The following SNAP47 variants were observed in gnomAD, a reference collection of about 807,000 sequenced individuals.
SNAP47 encodes the protein synaptosomal-associated protein 47.
SNAP47 carries 20 observed loss-of-function variants against 31.4 expected under a neutral mutation model. That is an observed-to-expected ratio of 0.64 (90% CI 0.45 to 0.93). The LOEUF (loss-of-function observed/expected upper bound fraction) is 0.93, where lower values mean the gene tolerates loss of function less well. SNAP47 is among the 40% of genes least tolerant of loss of function. The pLI is 0.00. For synonymous variants in SNAP47, 194 were observed against 213.4 expected (o/e 0.91, Z 0.79); for missense variants, 492 against 528.5 (o/e 0.93, Z 0.68).
At chr1:227,775,132 G>A (rs1286883906) in intron 4 of SNAP47, among the ~76,000 whole-genome samples, 2 of 152,252 alleles carry the variant, frequency 1.3e-5, no homozygotes, top group African/African-American at 2.4e-5. Context: ...GGAATGCAGC[G>A]GAGGGGACTT....
intron 3 of SNAP47, among the ~76,000 whole-genome samples, chr1:227,766,319 G>C (rs67502955): frequency 0.11 from 16,598 of 152,316 alleles, 1,367 homozygotes; most frequent in East Asian, 0.33. Flanking sequence ...GCCCCGGGGT[G>C]TCAAGGCTGC....
At chr1:227,764,131 T>TG (rs1266067953) in intron 3 of SNAP47, among the ~76,000 whole-genome samples, 1 of 152,184 alleles carries the variant, frequency 6.6e-6, no homozygotes, top group African/African-American at 2.4e-5. Context: ...CCACCTGTGA[T>TG]GCTTTTGTTT....
chr1:227,745,359 A>G (rs1661892559), intron 1 of SNAP47, among the ~76,000 whole-genome samples: 1 of 152,102 alleles, frequency 6.6e-6, no homozygotes, highest in African/African-American at 2.4e-5. Context: ...CTAATGTTGA[A>G]CTTTTCATAT....
At chr1:227,765,862 G>C (rs1210888072) in intron 3 of SNAP47, among the ~76,000 whole-genome samples, 1 of 152,160 alleles carries the variant, frequency 6.6e-6, no homozygotes, top group Non-Finnish European at 1.5e-5. Flanking sequence ...TGTCAGGGAG[G>C]GTGAGCTTGT....
chr1:227,734,679 G>A (rs1481376127), upstream of SNAP47: 6 of 1,614,130 alleles, frequency 3.7e-6, no homozygotes, highest in South Asian at 4.4e-5. Flanking sequence ...TTGAGGTAGA[G>A]ACAGCCCCTG....
chr1:227,735,318 G>C (rs1367093467), upstream of SNAP47: 4 of 1,602,136 alleles, frequency 2.5e-6, no homozygotes, highest in African/African-American at 4.0e-5. Flanking sequence ...ACTTCCGCCG[G>C]AGCGGAAACG....
At chr1:227,752,628 T>G (rs936422490) in intron 2 of SNAP47, among the ~76,000 whole-genome samples, 1 of 152,206 alleles carries the variant, frequency 6.6e-6, no homozygotes, top group Non-Finnish European at 1.5e-5. Flanking sequence ...GTACCCGAAC[T>G]CAGGTCTCGG....
upstream of SNAP47, among the ~76,000 whole-genome samples, chr1:227,730,153 G>A (rs80147444): frequency 0.17 from 25,944 of 152,202 alleles, 2,346 homozygotes; most frequent in Admixed American, 0.22. Flanking sequence ...ACACGCAAAG[G>A]GCAGGGGCTA....
chr1:227,779,001 G>T (rs894971126), intron 4 of SNAP47, among the ~76,000 whole-genome samples: 1 of 152,210 alleles, frequency 6.6e-6, no homozygotes, highest in African/African-American at 2.4e-5. Flanking sequence ...CACCTCTGCC[G>T]TGTGCCTGTG....
upstream of SNAP47, chr1:227,731,990 C>G (rs550803634): frequency 1.0e-4 from 25 of 250,332 alleles, no homozygotes; most frequent in South Asian, 7.3e-4. Flanking sequence ...CTCCCTGAAC[C>G]CACAGGGCAG....
intron 4 of SNAP47, chr1:227,776,416 A>G: frequency 2.0e-6 from 2 of 986,632 alleles, no homozygotes; most frequent in Non-Finnish European, 2.4e-6. Context: ...TGGTTCCTGG[A>G]TTTCTTTACT....
At chr1:227,734,014 G>A (rs1660869638), upstream of SNAP47, 2 of 1,613,478 alleles carry the variant, frequency 1.2e-6, no homozygotes, top group Non-Finnish European at 1.7e-6. Context: ...GGGTGAAAAC[G>A]TCCTCCACCG....
chr1:227,764,762 G>A (rs868736344), intron 3 of SNAP47, among the ~76,000 whole-genome samples: 4 of 152,078 alleles, frequency 2.6e-5, no homozygotes, highest in East Asian at 1.9e-4. Flanking sequence ...AAATTAGCCG[G>A]GTGTGGTGGT....
At chr1:227,743,978 C>T (rs1661788346) in intron 1 of SNAP47, 4 of 152,198 alleles carry the variant, frequency 2.6e-5, no homozygotes, top group Admixed American at 2.6e-4. Context: ...GGTTTGGTCC[C>T]AGGACCTCCT....
chr1:227,733,338 G>C (rs954690069), upstream of SNAP47: 8 of 1,460,546 alleles, frequency 5.5e-6, no homozygotes, highest in African/African-American at 7.1e-5. Flanking sequence ...AGCTCTGGCT[G>C]GGAGAGTGGG....
intron 2 of SNAP47, among the ~76,000 whole-genome samples, chr1:227,751,102 C>T (rs1202401380): frequency 5.3e-5 from 8 of 152,200 alleles, no homozygotes; most frequent in East Asian, 3.9e-4. Context: ...CCCACAGTGC[C>T]GGCATCTGAC....
chr1:227,780,504 T>A (rs1299826294), intron 4 of SNAP47, 23 bp from the exon 5 acceptor site: 3 of 1,613,396 alleles, frequency 1.9e-6, no homozygotes, highest in Non-Finnish European at 2.5e-6. Flanking sequence ...CAGCCTCTGC[T>A]GTGATCTTGT....
chr1:227,780,651 G>A lies in SNAP47; in HGVS notation c.1238G>A (p.Arg413Lys), dbSNP rs1174211505. 5.6e-6 allele frequency: 9 copies of A among 1,614,090 alleles called. No individual in the cohort carries two copies. In the South Asian group the frequency reaches 9.9e-5, roughly 18 times the overall value. The stretch of plus-strand genomic sequence containing the variant: ...ACCTTGACCATCGACAAGCACAACA[G>A]GCGGATGAAGAGGCTGACCTAGGGG... ...RATLTIDKHN[R>K]RMKRLT Residue 413 changes from arginine to lysine, a missense_variant, in exon 5 of 5, where the codon AGG becomes AAG. Physicochemically the swap from Arg to Lys is conservative, Grantham distance 26 (BLOSUM62 2). Coordinates refer to ENST00000617596, the MANE Select transcript of SNAP47 (RefSeq NM_053052.4).
At chr1:227,737,777 A>AT (rs765296250) in intron 1 of SNAP47, among the ~76,000 whole-genome samples, 9 of 152,104 alleles carry the variant, frequency 5.9e-5, no homozygotes, top group Admixed American at 2.0e-4. Flanking sequence ...TAAAGGTGGG[A>AT]TATGAGGGCA....
Sources: gnomAD v4.1 joint callset for allele counts (sites outside exome capture counted in the v4.1 genomes callset) on GRCh38, gnomAD v4.1.1 for gene constraint, MANE v1.5 for transcripts, NCBI Gene and HGNC (gene_info 2026-07-23, HGNC 2026-07-21) for gene names.